CDYL: variants seen among roughly 807,000 people sequenced by gnomAD.
CDYL encodes chromodomain Y like.
In CDYL, 8 loss-of-function variants were observed where a neutral mutation model predicts 47.3. The observed-to-expected ratio is 0.17, with a 90% CI of 0.10 to 0.31. CDYL has a LOEUF of 0.31. Among genes scored for constraint, CDYL ranks in the 10% least tolerant of loss-of-function variants. The pLI, the probability that CDYL is intolerant of heterozygous loss-of-function variation, is 1.00. For synonymous variants in CDYL, 266 were observed against 265.0 expected (o/e 1.00, Z -0.04); for missense variants, 471 against 701.4 (o/e 0.67, Z 3.71).
At chr6:4,856,383 C>T (rs758979267) in intron 1 of CDYL, among the ~76,000 whole-genome samples, 2 of 152,136 alleles carry the variant, frequency 1.3e-5, no homozygotes, top group Admixed American at 6.5e-5. Context: ...GCAGACAGGA[C>T]TTTGTAGGCA....
At chr6:4,859,685 G>C (rs1367262072) in intron 1 of CDYL, among the ~76,000 whole-genome samples, 1 of 152,076 alleles carries the variant, frequency 6.6e-6, no homozygotes, top group Non-Finnish European at 1.5e-5. Context: ...ATTCTGTCTT[G>C]AGATACCCCG....
chr6:4,816,284 T>C (rs2127446516), intron 1 of CDYL, among the ~76,000 whole-genome samples: 1 of 151,896 alleles, frequency 6.6e-6, no homozygotes, highest in African/African-American at 2.4e-5. Context: ...CTCTTGATTA[T>C]TTTTGTGTAT....
intron 1 of CDYL, among the ~76,000 whole-genome samples, chr6:4,797,907 A>G (rs1759120692): frequency 6.6e-6 from 1 of 152,096 alleles, no homozygotes; most frequent in Non-Finnish European, 1.5e-5. Flanking sequence ...TTTAGTATGA[A>G]CATGTATTTT....
intron 3 of CDYL, among the ~76,000 whole-genome samples, chr6:4,751,620 G>A (rs1436775252): frequency 1.3e-5 from 2 of 152,190 alleles, no homozygotes; most frequent in African/African-American, 4.8e-5. Flanking sequence ...GAACACCCTA[G>A]ATTCCCATAA....
intron 1 of CDYL, among the ~76,000 whole-genome samples, chr6:4,877,699 A>C (rs536739867): frequency 2.3e-4 from 35 of 152,360 alleles, no homozygotes; most frequent in Non-Finnish European, 4.0e-4. Flanking sequence ...AGATACTTAC[A>C]CAGGTACTGC....
intron 1 of CDYL, among the ~76,000 whole-genome samples, chr6:4,846,358 C>A (rs1280428494): frequency 6.6e-6 from 1 of 152,166 alleles, no homozygotes; most frequent in Non-Finnish European, 1.5e-5. Flanking sequence ...ATTAAATCTG[C>A]ATTTTTATTT....
rs1581284288 is a variant in CDYL, at chr6:4,942,299, A to G, written c.1122-1247A>G. On this transcript the variant is annotated intron_variant, in intron 4 of 6. Coordinates refer to ENST00000397588, the MANE Select transcript of CDYL (RefSeq NM_004824.4). ...TCCTGTTCATACACACACAGACACA[A>G]CCCTCCTCACCTCCCTGACCTGCCC... Among the ~76,000 whole-genome samples the G allele has an allele frequency of 2.0e-5, 3 of 151,198 alleles. No homozygotes were observed. The East Asian group carries it at 5.8e-4, about 29-fold the overall frequency.
chr6:4,774,525 C>G (rs1483536687), upstream of CDYL: 1 of 152,196 alleles, frequency 6.6e-6, no homozygotes, highest in Admixed American at 6.5e-5. Context: ...CTTGAGGCGC[C>G]TTGACCAGTT....
chr6:4,718,794 G>C (rs1451303205), intron 2 of CDYL, among the ~76,000 whole-genome samples: 1 of 151,760 alleles, frequency 6.6e-6, no homozygotes, highest in Non-Finnish European at 1.5e-5. Flanking sequence ...ACTCGATTAT[G>C]TATCATGGCC....
intron 2 of CDYL, among the ~76,000 whole-genome samples, chr6:4,930,873 A>T (rs1176434225): frequency 2.0e-5 from 3 of 152,246 alleles, no homozygotes; most frequent in African/African-American, 4.8e-5. Flanking sequence ...AGGAACTCTC[A>T]GTTCACAGAG....
chr6:4,952,134 A>G (rs1488767079), intron 5 of CDYL, 132 bp from the exon 6 acceptor site: 5 of 1,003,598 alleles, frequency 5.0e-6, no homozygotes, highest in Non-Finnish European at 7.2e-6. Flanking sequence ...AGCGGCCCCT[A>G]GAGGATGTGC....
intron 2 of CDYL, among the ~76,000 whole-genome samples, chr6:4,716,373 T>C (rs1168309680): frequency 6.6e-6 from 1 of 152,206 alleles, no homozygotes; most frequent in Non-Finnish European, 1.5e-5. Flanking sequence ...CTCCTCTTTT[T>C]TCATTCTCTT....
intron 3 of CDYL, among the ~76,000 whole-genome samples, chr6:4,767,615 G>A (rs1581153478): frequency 6.6e-6 from 1 of 151,966 alleles, no homozygotes; most frequent in Non-Finnish European, 1.5e-5. Flanking sequence ...GGGGAGGGGA[G>A]CAGAGGGAAA....
At chr6:4,745,369 C>G (rs531167634) in intron 3 of CDYL, among the ~76,000 whole-genome samples, 4 of 152,104 alleles carry the variant, frequency 2.6e-5, no homozygotes, top group Admixed American at 6.5e-5. Context: ...AGAAAATAGA[C>G]CAAGTATGAT....
chr6:4,718,751 C>G (rs953962940), intron 2 of CDYL, among the ~76,000 whole-genome samples: 2 of 151,946 alleles, frequency 1.3e-5, no homozygotes, highest in African/African-American at 4.8e-5. Flanking sequence ...AAAAACAAAA[C>G]TTGGATGTTG....
At chr6:4,715,828 A>C in exon 2 of CDYL, 1 of 1,614,226 alleles carries the variant, frequency 6.2e-7, no homozygotes, top group Non-Finnish European at 8.5e-7. Context: ...AGCAGGAAGA[A>C]AAACTGGCAA....
At chr6:4,953,143 G>A (rs1231610831) in intron 6 of CDYL, among the ~76,000 whole-genome samples, 1 of 151,550 alleles carries the variant, frequency 6.6e-6, no homozygotes, top group Admixed American at 6.5e-5. Flanking sequence ...CAGCACTTTG[G>A]GAGGCCGAGG....
chr6:4,717,997 C>T (rs1263715362), intron 2 of CDYL, among the ~76,000 whole-genome samples: 2 of 151,958 alleles, frequency 1.3e-5, no homozygotes. Context: ...AGGCACATGC[C>T]ACCACACCCG....
intron 3 of CDYL, among the ~76,000 whole-genome samples, chr6:4,759,827 C>T (rs1388570962): frequency 7.4e-5 from 9 of 122,278 alleles, no homozygotes; most frequent in Non-Finnish European, 9.7e-5. Flanking sequence ...TGCAGTGAGC[C>T]GAGATCACGC....
Sources: allele counts gnomAD v4.1 joint callset (sites outside exome capture counted in the v4.1 genomes callset), GRCh38; gene constraint gnomAD v4.1.1; transcripts MANE v1.5; gene names NCBI Gene and HGNC (gene_info 2026-07-23, HGNC 2026-07-21).